The following CNTNAP2 variants were observed in gnomAD, a reference collection of about 807,000 sequenced individuals.
The protein encoded by CNTNAP2 is contactin-associated protein-like 2.
A neutral mutation model predicts 155.2 loss-of-function variants in CNTNAP2; 98 were observed. The observed-to-expected ratio is 0.63, with a 90% CI of 0.54 to 0.75. CNTNAP2 has a LOEUF of 0.75. Among genes scored for constraint, CNTNAP2 ranks in the 30% least tolerant of loss-of-function variants. The pLI, the probability that CNTNAP2 is intolerant of heterozygous loss-of-function variation, is 0.00. For synonymous variants in CNTNAP2, 651 were observed against 631.2 expected (o/e 1.03, Z -0.47); for missense variants, 1,727 against 1,688.1 (o/e 1.02, Z -0.40).
intron 9 of CNTNAP2, among the ~76,000 whole-genome samples, chr7:147,361,692 G>T (rs549906195): frequency 6.6e-6 from 1 of 151,932 alleles, no homozygotes; most frequent in Non-Finnish European, 1.5e-5. Context: ...TTATAAATTT[G>T]AAAGTTCAAA....
rs145307240 is a variant in CNTNAP2 at position 148,212,900 on chromosome 7, C to G, written c.3011-4388C>G. ...AATAACACTTTTGAACATGGTATATCCCTTCCTGCAAAACTGACATAAATC... is the reference window on the plus strand; with the variant it reads ...AATAACACTTTTGAACATGGTATATGCCTTCCTGCAAAACTGACATAAATC... On this transcript the variant is annotated intron_variant, in intron 18 of 23. Transcript: ENST00000361727. Among the ~76,000 whole-genome samples, 803 of 152,248 alleles carry G rather than the reference C, an allele frequency of 5.3e-3. 29 individuals carry two copies. The highest frequency in any genetic ancestry group is 0.045 in the Admixed American group (691 of 15,296).
At chr7:146,737,870 T>C (rs184019750) in intron 1 of CNTNAP2, among the ~76,000 whole-genome samples, 4 of 152,218 alleles carry the variant, frequency 2.6e-5, no homozygotes, top group African/African-American at 9.6e-5. Context: ...TGCGTGCATA[T>C]AGATAGATAT....
intron 13 of CNTNAP2, among the ~76,000 whole-genome samples, chr7:147,760,107 G>A (rs936912755): frequency 9.2e-5 from 14 of 152,130 alleles, no homozygotes; most frequent in African/African-American, 3.4e-4. Context: ...CATTTCTATA[G>A]CAAATGTTAT....
intron 1 of CNTNAP2, among the ~76,000 whole-genome samples, chr7:146,635,139 A>G (rs893365200): frequency 6.6e-6 from 1 of 152,176 alleles, no homozygotes; most frequent in Non-Finnish European, 1.5e-5. Context: ...CCTCAAACAT[A>G]GCACACACAA....
At chr7:147,217,367 T>C (rs1005416461) in intron 8 of CNTNAP2, among the ~76,000 whole-genome samples, 1 of 151,922 alleles carries the variant, frequency 6.6e-6, no homozygotes, top group Admixed American at 6.6e-5. Context: ...AAATGGGTGA[T>C]AGATTTTTTT....
chr7:146,167,591 ATCT>A (rs1798330409), intron 1 of CNTNAP2, among the ~76,000 whole-genome samples: 2 of 152,306 alleles, frequency 1.3e-5, no homozygotes, highest in Admixed American at 6.5e-5. Flanking sequence ...TGATGCTTTG[ATCT>A]TCTTCTAGTA....
At chr7:146,403,160 C>T (rs894702412) in intron 1 of CNTNAP2, among the ~76,000 whole-genome samples, 1 of 152,062 alleles carries the variant, frequency 6.6e-6, no homozygotes, top group Non-Finnish European at 1.5e-5. Context: ...AGCCAATTCA[C>T]ATCAATTTTT....
intron 4 of CNTNAP2, among the ~76,000 whole-genome samples, chr7:147,049,543 G>A (rs1250825966): frequency 6.6e-6 from 1 of 151,798 alleles, no homozygotes; most frequent in Non-Finnish European, 1.5e-5. Context: ...TTTGAGTGGG[G>A]AATGTAGATT....
At chr7:147,390,591 C>T (rs1341994723) in intron 9 of CNTNAP2, among the ~76,000 whole-genome samples, 5 of 152,028 alleles carry the variant, frequency 3.3e-5, no homozygotes, top group Admixed American at 1.3e-4. Flanking sequence ...CTTTAGTTCT[C>T]CTCCTAGGTG....
chr7:147,254,066 T>C (rs960102524), intron 8 of CNTNAP2, among the ~76,000 whole-genome samples: 5 of 152,254 alleles, frequency 3.3e-5, no homozygotes, highest in Admixed American at 6.5e-5. Context: ...TGGGATTCAG[T>C]GATTTTTATG....
chr7:148,236,616 A>C lies in CNTNAP2; in HGVS notation c.3381+6837A>C, dbSNP rs139057213. Reference sequence around the variant, plus strand: ...GTTATGTGAGGTGACAGTTTTACAAAATATTTTATTGCATACTATATTAGT... The same window carrying C: ...GTTATGTGAGGTGACAGTTTTACAACATATTTTATTGCATACTATATTAGT... On this transcript the variant is annotated intron_variant, in intron 20 of 23. Coordinates refer to ENST00000361727, the MANE Select transcript of CNTNAP2 (RefSeq NM_014141.6). Among the ~76,000 whole-genome samples the C allele has an allele frequency of 4.0e-3, 604 of 152,280 alleles. 5 individuals carry two copies. Among genetic ancestry groups the C allele is most frequent in the African/African-American group, 0.014 (579 of 41,540 alleles).
chr7:146,795,837 G>A (rs1585094301), intron 2 of CNTNAP2, among the ~76,000 whole-genome samples: 1 of 152,122 alleles, frequency 6.6e-6, no homozygotes, highest in Non-Finnish European at 1.5e-5. Flanking sequence ...GGGAAGATGT[G>A]TATTAAAAAT....
intron 1 of CNTNAP2, among the ~76,000 whole-genome samples, chr7:146,600,804 A>G (rs2129151664): frequency 6.6e-6 from 1 of 152,292 alleles, no homozygotes; most frequent in African/African-American, 2.4e-5. Context: ...TACTTGACAT[A>G]TAATAGCTGG....
At chr7:147,537,183 T>C (rs1584798419) in intron 11 of CNTNAP2, among the ~76,000 whole-genome samples, 1 of 152,176 alleles carries the variant, frequency 6.6e-6, no homozygotes, top group Admixed American at 6.5e-5. Context: ...AACACAGTTA[T>C]AACCTTTCTA....
chr7:146,756,375 C>G (rs2129183282), intron 1 of CNTNAP2, among the ~76,000 whole-genome samples: 1 of 152,048 alleles, frequency 6.6e-6, no homozygotes, highest in African/African-American at 2.4e-5. Context: ...TAGTGGTATG[C>G]TTGATAACAT....
At chr7:146,800,012 C>G (rs1340296834) in intron 2 of CNTNAP2, among the ~76,000 whole-genome samples, 1 of 151,932 alleles carries the variant, frequency 6.6e-6, no homozygotes, top group Admixed American at 6.6e-5. Context: ...TAGTAACATA[C>G]TACAATTATG....
intron 8 of CNTNAP2, among the ~76,000 whole-genome samples, chr7:147,270,154 C>T (rs1283605345): frequency 6.6e-6 from 1 of 152,112 alleles, no homozygotes; most frequent in Non-Finnish European, 1.5e-5. Flanking sequence ...GCAATAGTTT[C>T]AATGAAAGCA....
At chr7:146,359,472 A>C (rs1026616523) in intron 1 of CNTNAP2, among the ~76,000 whole-genome samples, 1 of 152,232 alleles carries the variant, frequency 6.6e-6, no homozygotes, top group Admixed American at 6.5e-5. Context: ...CATTCTAATG[A>C]AGAAACAGCA....
At chr7:148,260,089 GA>G (rs1286866345) in intron 20 of CNTNAP2, among the ~76,000 whole-genome samples, 1 of 152,184 alleles carries the variant, frequency 6.6e-6, no homozygotes, top group Non-Finnish European at 1.5e-5. Context: ...GGGTTCATTT[GA>G]AAAGAGGTGG....
Sources: allele counts gnomAD v4.1 joint callset (sites outside exome capture counted in the v4.1 genomes callset), GRCh38; gene constraint gnomAD v4.1.1; transcripts MANE v1.5; gene names NCBI Gene and HGNC (gene_info 2026-07-23, HGNC 2026-07-21).